PCSK6: variants seen among roughly 807,000 people sequenced by gnomAD.
The protein encoded by PCSK6 is proprotein convertase subtilisin/kexin type 6, also known as paired basic amino acid cleaving enzyme 4.
A neutral mutation model predicts 123.3 loss-of-function variants in PCSK6; 85 were observed. The ratio of observed to expected loss-of-function variants is 0.69; its 90% CI spans 0.58 to 0.83. PCSK6 has a LOEUF of 0.83. Ranked by LOEUF, PCSK6 falls within the 40% of genes least tolerant of loss-of-function variation. The probability of loss-of-function intolerance (pLI) is 0.00; values close to 1 mark genes in which losing one functional copy is unlikely to be tolerated. For synonymous variants in PCSK6, 508 were observed against 516.0 expected, an observed-to-expected ratio of 0.98 and a Z score of 0.21; for missense variants, 1,191 against 1,282.3, an observed-to-expected ratio of 0.93 and a Z score of 1.09.
chr15:101,310,126 C>T (rs114403049), intron 20 of PCSK6, among the ~76,000 whole-genome samples: 148 of 152,182 alleles, frequency 9.7e-4, no homozygotes, highest in African/African-American at 3.3e-3. Context: ...TGGGGAGAGA[C>T]CCCGCAGAAC....
intron 7 of PCSK6, among the ~76,000 whole-genome samples, chr15:101,394,642 A>AGAT: frequency 6.6e-6 from 1 of 152,340 alleles, no homozygotes; most frequent in Non-Finnish European, 1.5e-5. Flanking sequence ...GCCAATTTAA[A>AGAT]GATAACTTAC....
At chr15:101,399,550 C>T (rs190398677) in intron 6 of PCSK6, among the ~76,000 whole-genome samples, 107 of 152,306 alleles carry the variant, frequency 7.0e-4, no homozygotes, top group African/African-American at 2.5e-3. Context: ...CAGCCAGGGG[C>T]GTCCCTTCTT....
intron 13 of PCSK6, among the ~76,000 whole-genome samples, chr15:101,344,299 T>C (rs1050086039): frequency 6.6e-6 from 1 of 152,250 alleles, no homozygotes; most frequent in Non-Finnish European, 1.5e-5. Context: ...GTTTTTGCTC[T>C]ATATGTATTT....
intron 6 of PCSK6, among the ~76,000 whole-genome samples, chr15:101,416,744 G>A (rs894810201): frequency 1.3e-5 from 2 of 152,240 alleles, no homozygotes; most frequent in African/African-American, 4.8e-5. Flanking sequence ...CGTACAGCTT[G>A]GGCTGTGGCT....
At chr15:101,489,159 T>TC (rs1336085960) in intron 1 of PCSK6, among the ~76,000 whole-genome samples, 519 of 32,606 alleles carry the variant, frequency 0.016, 83 homozygotes, top group African/African-American at 0.062. Context: ...GGGACCCCAG[T>TC]CCCCCCCACC....
At position 101,398,351 on chromosome 15, in the gene PCSK6, T is replaced by C; in HGVS notation, c.996+53A>G. ...TGTCACTCTGATACTTGTTAAAATG[T>C]TTACTGTCACCCTTGTCCCAGAGCG... On this transcript the variant is annotated intron_variant, in intron 7 of 21. Coordinates refer to ENST00000611716, the MANE Select transcript of PCSK6 (RefSeq NM_002570.5). The surrounding 1 kb of genome is among the most constrained non-coding windows in gnomAD (Gnocchi z 4.6). 1.9e-6 allele frequency: 3 copies of C among 1,544,600 alleles called. No homozygotes were observed. The highest frequency in any genetic ancestry group is 2.6e-6 in the Non-Finnish European group (3 of 1,138,182).
chr15:101,309,615 C>G (rs1479478026), intron 20 of PCSK6, among the ~76,000 whole-genome samples: 1 of 152,248 alleles, frequency 6.6e-6, no homozygotes, highest in African/African-American at 2.4e-5. Context: ...CTTTCATGCT[C>G]CAGCCTGGAC....
intron 13 of PCSK6, chr15:101,346,226 A>G (rs1440263591): frequency 6.6e-6 from 1 of 152,250 alleles, no homozygotes; most frequent in South Asian, 2.1e-4. Flanking sequence ...CAAAGAAATA[A>G]TTTTAAATTC....
intron 1 of PCSK6, among the ~76,000 whole-genome samples, chr15:101,485,957 A>ATTTTTT (rs11303524): frequency 5.2e-5 from 6 of 116,096 alleles, no homozygotes; most frequent in Non-Finnish European, 8.8e-5. Context: ...ATTTATTTAA[A>ATTTTTT]TTTTTTTTTT....
At chr15:101,311,643 C>G (rs1169240284) in intron 20 of PCSK6, among the ~76,000 whole-genome samples, 1 of 133,024 alleles carries the variant, frequency 7.5e-6, no homozygotes, top group East Asian at 2.0e-4. Flanking sequence ...ACTTCCCTCA[C>G]AGCTCACCCC....
intron 2 of PCSK6, among the ~76,000 whole-genome samples, chr15:101,436,790 C>A (rs2056614221): frequency 6.6e-6 from 1 of 152,204 alleles, no homozygotes; most frequent in Non-Finnish European, 1.5e-5. Flanking sequence ...ACCTTGACTG[C>A]TCTGAGCACC....
At chr15:101,358,419 C>T (rs2041109703) in intron 13 of PCSK6, among the ~76,000 whole-genome samples, 1 of 152,228 alleles carries the variant, frequency 6.6e-6, no homozygotes, top group South Asian at 2.1e-4. Flanking sequence ...CTCCACTGAA[C>T]TTGGGGCACT....
intron 5 of PCSK6, among the ~76,000 whole-genome samples, chr15:101,428,674 T>C (rs895918065): frequency 6.6e-6 from 1 of 152,232 alleles, no homozygotes; most frequent in Non-Finnish European, 1.5e-5. Context: ...TAGGAGCAAC[T>C]TGAAATAGCA....
chr15:101,449,344 TG>T (rs1360417930), intron 1 of PCSK6, among the ~76,000 whole-genome samples: 1 of 152,168 alleles, frequency 6.6e-6, no homozygotes, highest in Non-Finnish European at 1.5e-5. Context: ...GTTTTTGACC[TG>T]AGGTTGGTTG....
intron 10 of PCSK6, among the ~76,000 whole-genome samples, chr15:101,383,430 A>G (rs998984170): frequency 1.4e-5 from 2 of 147,400 alleles, no homozygotes; most frequent in African/African-American, 2.5e-5. Context: ...AAAAAAAAAA[A>G]AAGAAGTCAG....
chr15:101,313,914 G>C (rs2039929440), intron 19 of PCSK6: 1 of 166,384 alleles, frequency 6.0e-6, no homozygotes, highest in African/African-American at 2.4e-5. Context: ...CAATATTTTA[G>C]ACACATTAGG....
chr15:101,356,280 G>A (rs1414279037), intron 13 of PCSK6, among the ~76,000 whole-genome samples: 1 of 152,116 alleles, frequency 6.6e-6, no homozygotes, highest in Non-Finnish European at 1.5e-5. Context: ...ACCCACGGTG[G>A]AAGCTGCCCC....
At chr15:101,384,498 G>A in intron 9 of PCSK6, 73 bp from the exon 10 acceptor site, 1 of 1,314,876 alleles carries the variant, frequency 7.6e-7, no homozygotes, top group Non-Finnish European at 1.1e-6. Context: ...TCAGAGGCAG[G>A]GGGTCGGCAG....
intron 13 of PCSK6, among the ~76,000 whole-genome samples, chr15:101,345,919 C>T (rs529577507): frequency 1.3e-5 from 2 of 152,340 alleles, no homozygotes; most frequent in African/African-American, 2.4e-5. Context: ...CCGCCTGCCT[C>T]GGCCTCCCAA....
Sources: gnomAD v4.1 joint callset for allele counts (sites outside exome capture counted in the v4.1 genomes callset) on GRCh38, gnomAD v4.1.1 for gene constraint, Gnocchi (gnomAD v3.1) non-coding constraint, MANE v1.5 for transcripts, NCBI Gene and HGNC (gene_info 2026-07-23, HGNC 2026-07-21) for gene names.